GRIA4: variants seen among roughly 807,000 people sequenced by gnomAD.
The protein encoded by GRIA4 is glutamate receptor 4.
Under a neutral mutation model 104.0 loss-of-function variants are expected in GRIA4, and 34 were observed. That is an observed-to-expected ratio of 0.33 (90% CI 0.25 to 0.44). The LOEUF is 0.44. GRIA4 is among the 20% of genes least tolerant of loss of function. The probability of loss-of-function intolerance (pLI) is 1.00; values close to 1 mark genes in which losing one functional copy is unlikely to be tolerated. For synonymous variants in GRIA4, 386 were observed against 381.9 expected (o/e 1.01, Z -0.13); for missense variants, 750 against 1,096.5 (o/e 0.68, Z 4.46).
chr11:105,919,817 T>C (rs769090761), intron 11 of GRIA4, among the ~76,000 whole-genome samples: 4 of 152,156 alleles, frequency 2.6e-5, no homozygotes, highest in Non-Finnish European at 5.9e-5. Context: ...CGAAATGTAA[T>C]ATGAAATTTC....
chr11:105,623,230 G>A (rs143207315), intron 3 of GRIA4, among the ~76,000 whole-genome samples: 1 of 151,860 alleles, frequency 6.6e-6, no homozygotes, highest in East Asian at 1.9e-4. Context: ...TAGATACCCA[G>A]TAGTGGGATT....
chr11:105,896,087 C>T (rs969943789), intron 6 of GRIA4, among the ~76,000 whole-genome samples: 3 of 152,158 alleles, frequency 2.0e-5, no homozygotes, highest in African/African-American at 7.2e-5. Flanking sequence ...TCCTCACCAA[C>T]ATCTGCTATT....
chr11:105,939,474 G>A (rs932774483), intron 14 of GRIA4, among the ~76,000 whole-genome samples: 1 of 152,076 alleles, frequency 6.6e-6, no homozygotes, highest in African/African-American at 2.4e-5. Context: ...CGAAGCTTCC[G>A]TGCTATTCCC....
At position 105,900,823 on chromosome 11, in the gene GRIA4, CA is replaced by C. The variant is rs775134846; in HGVS notation, c.885+2398del. Among the ~76,000 whole-genome samples, 115 of 152,160 alleles carry C rather than the reference CA, an allele frequency of 7.6e-4. 1 individual carries two copies. The highest frequency in any genetic ancestry group is 2.4e-4 in the Non-Finnish European group (16 of 68,030). The stretch of plus-strand genomic sequence containing the variant: ...CAGGCTGGTCTTGAGCTCCTGGCCT[CA>C]AGTGATCTGTCCCAAAGTGCTGGCC... On this transcript the variant is annotated intron_variant, in intron 7 of 16. Coordinates refer to ENST00000282499, the MANE Select transcript of GRIA4 (RefSeq NM_000829.4).
chr11:105,933,425 A>C (rs967717179), intron 13 of GRIA4, among the ~76,000 whole-genome samples: 1 of 152,126 alleles, frequency 6.6e-6, no homozygotes, highest in African/African-American at 2.4e-5. Context: ...ACATAGAAAA[A>C]AACAGTAATA....
At chr11:105,674,772 G>A (rs1952482805) in intron 3 of GRIA4, among the ~76,000 whole-genome samples, 1 of 151,774 alleles carries the variant, frequency 6.6e-6, no homozygotes, top group Non-Finnish European at 1.5e-5. Context: ...AGAAGAAAAT[G>A]GAATCTTACT....
At chr11:105,828,561 A>G (rs1943858893) in intron 4 of GRIA4, among the ~76,000 whole-genome samples, 1 of 151,940 alleles carries the variant, frequency 6.6e-6, no homozygotes, top group Admixed American at 6.6e-5. Flanking sequence ...GTTTGCACTT[A>G]GTCACAATGC....
In GRIA4 at chr11:105,611,019, A is replaced by T; in HGVS notation, c.22A>T (p.Ile8Phe). The change falls in exon 2 of 17, where the codon ATT becomes TTT. Residue 8 changes from isoleucine to phenylalanine, a missense_variant. Coordinates refer to ENST00000282499, the MANE Select transcript of GRIA4 (RefSeq NM_000829.4). MRIISRQ[I>F]VLLFSGFWGL... ...GAAGATGAGGATTATTTCCAGACAGATTGTCTTGTTATTTTCTGGATTTTG... is the reference window on the plus strand; with the variant it reads ...GAAGATGAGGATTATTTCCAGACAGTTTGTCTTGTTATTTTCTGGATTTTG... 6.2e-7 allele frequency: 1 copy of T among 1,612,350 alleles called. No homozygotes were observed.
intron 4 of GRIA4, among the ~76,000 whole-genome samples, chr11:105,851,784 C>T (rs539679221): frequency 1.3e-5 from 2 of 152,288 alleles, no homozygotes; most frequent in East Asian, 3.9e-4. Flanking sequence ...CCTCCTGTCA[C>T]CACTCCTGGT....
At chr11:105,733,774 C>T (rs1185604562) in intron 3 of GRIA4, among the ~76,000 whole-genome samples, 1 of 151,802 alleles carries the variant, frequency 6.6e-6, no homozygotes, top group Non-Finnish European at 1.5e-5. Context: ...TCTTATTCTG[C>T]TCATTGATAA....
At chr11:105,926,129 T>A (rs549430466) in intron 12 of GRIA4, among the ~76,000 whole-genome samples, 3 of 152,050 alleles carry the variant, frequency 2.0e-5, no homozygotes, top group Non-Finnish European at 4.4e-5. Flanking sequence ...GCCTCAACTA[T>A]GGTCACTTCG....
intron 10 of GRIA4, among the ~76,000 whole-genome samples, chr11:105,916,120 G>T (rs1591442032): frequency 6.6e-6 from 1 of 152,084 alleles, no homozygotes; most frequent in Non-Finnish European, 1.5e-5. Context: ...GAAGGCAGAG[G>T]TTGCAGTGAG....
intron 5 of GRIA4, among the ~76,000 whole-genome samples, chr11:105,875,877 TA>T (rs1014307703): frequency 6.3e-5 from 9 of 142,450 alleles, no homozygotes; most frequent in Non-Finnish European, 1.1e-4. Context: ...CTGGATTCAT[TA>T]ATTTTTTTAA....
At chr11:105,917,893 A>G (rs1353642038) in intron 10 of GRIA4, among the ~76,000 whole-genome samples, 1 of 150,584 alleles carries the variant, frequency 6.6e-6, no homozygotes, top group African/African-American at 2.4e-5. Context: ...CCACTGATAA[A>G]CTTTTTCATT....
intron 3 of GRIA4, among the ~76,000 whole-genome samples, chr11:105,736,385 A>G (rs1473179048): frequency 6.6e-6 from 1 of 152,186 alleles, no homozygotes; most frequent in African/African-American, 2.4e-5. Context: ...CTCTAAAAAT[A>G]TGGCTGTATA....
At chr11:105,639,347 A>C (rs1366772760) in intron 3 of GRIA4, among the ~76,000 whole-genome samples, 1 of 152,064 alleles carries the variant, frequency 6.6e-6, no homozygotes, top group African/African-American at 2.4e-5. Flanking sequence ...CATGACTATA[A>C]GTTAGTTTTA....
Position 105,981,592 on chromosome 11 carries a change from A to AC in GRIA4, c.*1853_*1854insC, listed in dbSNP as rs765255898. On this transcript the variant is annotated 3_prime_UTR_variant, in exon 17 of 17. Coordinates refer to ENST00000282499, the MANE Select transcript of GRIA4 (RefSeq NM_000829.4). ...ACACACACACACACACACACACACAAGTCCCTCAGGAAAAATTCCAAGCTC... is the reference window on the plus strand; with the variant it reads ...ACACACACACACACACACACACACAACGTCCCTCAGGAAAAATTCCAAGCTC... The AC allele has an allele frequency of 0.014, 629 of 46,152 alleles. 13 individuals are homozygous for AC. Among genetic ancestry groups the AC allele is most frequent in the Middle Eastern group, 0.02 (2 of 98 alleles). The allele number at this position is 46,152 out of a possible 1,614,324, so 2.9% of individuals were successfully genotyped here.
At chr11:105,792,339 T>G (rs1430772463) in intron 4 of GRIA4, among the ~76,000 whole-genome samples, 1 of 152,130 alleles carries the variant, frequency 6.6e-6, no homozygotes, top group Non-Finnish European at 1.5e-5. Context: ...ATAGTCAAAT[T>G]TGAAATTTAC....
At chr11:105,766,196 T>G (rs999451175) in intron 4 of GRIA4, among the ~76,000 whole-genome samples, 5 of 152,190 alleles carry the variant, frequency 3.3e-5, no homozygotes, top group Non-Finnish European at 5.9e-5. Context: ...AGCCTTTCTA[T>G]TTAAAGAATG....
Sources: allele counts gnomAD v4.1 joint callset (sites outside exome capture counted in the v4.1 genomes callset), GRCh38; gene constraint gnomAD v4.1.1; transcripts MANE v1.5; gene names NCBI Gene and HGNC (gene_info 2026-07-23, HGNC 2026-07-21).